Variants in PLEKHB1 observed in about 807,000 individuals in gnomAD.
PLEKHB1 encodes pleckstrin homology domain-containing family B member 1.
PLEKHB1 carries 29 observed loss-of-function variants against 36.2 expected under a neutral mutation model. The ratio of observed to expected loss-of-function variants is 0.80; its 90% CI spans 0.60 to 1.09. The LOEUF (loss-of-function observed/expected upper bound fraction) is 1.09. Among genes scored for constraint, PLEKHB1 ranks in the 50% least tolerant of loss-of-function variants. The pLI, the probability that PLEKHB1 is intolerant of heterozygous loss-of-function variation, is 0.00. For missense variants in PLEKHB1, 330 were observed against 348.2 expected (o/e 0.95, Z 0.42); for synonymous variants, 138 against 140.0 (o/e 0.99, Z 0.10).
intron 4 of PLEKHB1, 88 bp downstream of exon 4, chr11:73,651,978 C>T (rs1392513675): frequency 6.5e-6 from 8 of 1,235,728 alleles, no homozygotes; most frequent in Non-Finnish European, 9.2e-6. Flanking sequence ...GTTCTCTGAC[C>T]GTAGGAAGAG....
At chr11:73,651,527 C>T (rs1944892654) in intron 3 of PLEKHB1, 5 of 630,424 alleles carry the variant, frequency 7.9e-6, no homozygotes, top group Non-Finnish European at 1.5e-5. Context: ...CACAGCAAAT[C>T]TCCACATTCC....
At chr11:73,652,400 T>G in intron 4 of PLEKHB1, 1 of 168,452 alleles carries the variant, frequency 5.9e-6, no homozygotes. Flanking sequence ...CTGGCTCACA[T>G]TCCGTCCCTT....
intron 3 of PLEKHB1, chr11:73,651,278 G>T (rs577825323): frequency 8.0e-6 from 3 of 375,076 alleles, no homozygotes; most frequent in African/African-American, 6.4e-5. Flanking sequence ...GATTGCTTGA[G>T]CCTGGGAGGC....
chr11:73,650,199 A>AGC (rs1944859051), intron 2 of PLEKHB1, among the ~76,000 whole-genome samples: 1 of 152,200 alleles, frequency 6.6e-6, no homozygotes, highest in Non-Finnish European at 1.5e-5. Context: ...TGAGTGACAG[A>AGC]GCAAGACCCT....
At chr11:73,649,481 T>C (rs1944844138) in intron 2 of PLEKHB1, among the ~76,000 whole-genome samples, 1 of 152,078 alleles carries the variant, frequency 6.6e-6, no homozygotes, top group Admixed American at 6.6e-5. Flanking sequence ...GTCTGCGAAC[T>C]CCTCAAGGAC....
intron 2 of PLEKHB1, 55 bp downstream of exon 2, chr11:73,649,142 G>A: frequency 1.9e-6 from 3 of 1,546,256 alleles, no homozygotes; most frequent in African/African-American, 2.7e-5. Context: ...TGGCTTACTG[G>A]GCTTGCCACG....
intron 1 of PLEKHB1, chr11:73,647,716 C>T: frequency 1.0e-6 from 1 of 985,606 alleles, no homozygotes; most frequent in Non-Finnish European, 1.2e-6. Context: ...TAGGCAGCAA[C>T]ATCCGCAACA....
At chr11:73,658,588 AC>A (rs1438977428) in intron 6 of PLEKHB1, among the ~76,000 whole-genome samples, 3 of 151,944 alleles carry the variant, frequency 2.0e-5, no homozygotes, top group Non-Finnish European at 4.4e-5. Context: ...AAGGGCAACA[AC>A]CTGCTTTCTT....
chr11:73,648,907 C>T (rs1944824753), intron 1 of PLEKHB1, 105 bp from the exon 2 acceptor site: 1 of 1,485,630 alleles, frequency 6.7e-7, no homozygotes, highest in Non-Finnish European at 9.0e-7. Context: ...TTTACTAACC[C>T]TCCCTCAAAC....
chr11:73,649,321 T>A (rs1014000190), intron 2 of PLEKHB1, among the ~76,000 whole-genome samples: 11 of 152,058 alleles, frequency 7.2e-5, no homozygotes, highest in Non-Finnish European at 1.6e-4. Context: ...TTCTCTGGCT[T>A]TTCCTCTGGC....
At chr11:73,647,939 G>A (rs1275611546) in intron 1 of PLEKHB1, 1 of 985,432 alleles carries the variant, frequency 1.0e-6, no homozygotes, top group African/African-American at 1.7e-5. Flanking sequence ...GCTGGCAAGT[G>A]AGTCGCCCTC....
At chr11:73,655,141 C>T (rs554557048) in intron 5 of PLEKHB1, among the ~76,000 whole-genome samples, 4 of 152,274 alleles carry the variant, frequency 2.6e-5, no homozygotes, top group African/African-American at 9.6e-5. Context: ...GAAGCGGCCT[C>T]GTCCTTCTCT....
At chr11:73,656,822 C>A (rs1392435590) in intron 6 of PLEKHB1, among the ~76,000 whole-genome samples, 2 of 152,234 alleles carry the variant, frequency 1.3e-5, no homozygotes, top group African/African-American at 4.8e-5. Flanking sequence ...ATGTTTTAAT[C>A]TGGCATGGGG....
rs955645588 is a variant in PLEKHB1 at position 73,653,162 on chromosome 11, C to T, written c.390+148C>T. 16 of 846,178 alleles carry T rather than the reference C, an allele frequency of 1.9e-5. No homozygotes were observed. The Admixed American group carries it at 1.9e-4, about 10-fold the overall frequency. The allele number at this position is 846,178 out of a possible 1,614,324, so 52.4% of individuals were successfully genotyped here. A position where few individuals can be genotyped will look rare whatever the true frequency, so the allele number is the denominator to read the frequency against. ...CTCTGATGCCTGAGTCCCAAGTGTT[C>T]GGGGAAAGGATAAGGGAGAGCCAAC... is the stretch of plus-strand genomic sequence containing the variant. On this transcript the variant is annotated intron_variant, in intron 5 of 7. Transcript: ENST00000354190.
intron 4 of PLEKHB1, chr11:73,652,677 G>A (rs1348504693): frequency 3.0e-6 from 1 of 335,906 alleles, no homozygotes; most frequent in Non-Finnish European, 5.4e-6. Flanking sequence ...CCACCCAAGA[G>A]TGTCAGAATC....
chr11:73,652,951 G>T, intron 4 of PLEKHB1, 24 bp from the exon 5 acceptor site: 11 of 1,598,900 alleles, frequency 6.9e-6, no homozygotes, highest in Non-Finnish European at 9.4e-6. Context: ...CCCTCCTCAT[G>T]GTCTGGTGGG....
chr11:73,658,897 A>G (rs1174720247), intron 6 of PLEKHB1, among the ~76,000 whole-genome samples: 1 of 152,214 alleles, frequency 6.6e-6, no homozygotes, highest in African/African-American at 2.4e-5. Context: ...GATTACAGGC[A>G]TAAGCCGCTG....
rs375308321 is a variant in PLEKHB1, at chr11:73,650,576, C to T, written c.118C>T (p.Arg40Trp). 3.4e-4 allele frequency: 555 copies of T among 1,612,720 alleles called. 1 individual carries two copies. The highest frequency in any genetic ancestry group is 4.2e-4 in the Non-Finnish European group (494 of 1,179,462). ...AGGCTCCATCCTCCGCCGCTGGAAGCGGAACTGGTTTGCCCTGTGGCTGGA... is the reference window on the plus strand; with the variant it reads ...AGGCTCCATCCTCCGCCGCTGGAAGTGGAACTGGTTTGCCCTGTGGCTGGA... Reference protein sequence around the residue: ...RQSSILRRWKRNWFALWLDGT... With the variant: ...RQSSILRRWKWNWFALWLDGT... Residue 40 changes from arginine (R) to tryptophan (W), a missense_variant, in exon 3 of 8, where the codon CGG (arginine) becomes TGG (tryptophan). Transcript: ENST00000354190.
Position 73,661,484 on chromosome 11 carries a change from T to A in PLEKHB1, c.614T>A (p.Val205Glu). 6.2e-7 allele frequency: 1 copy of A among 1,613,780 alleles called. No individual in the cohort carries two copies. Among genetic ancestry groups the A allele is most frequent in the Admixed American group, 1.7e-5 (1 of 59,988 alleles). The stretch of plus-strand genomic sequence containing the variant: ...TCTGCAGGCCCTGGCGTGACGCACG[T>A]GATAGTGCGGGAGGATCCCTGCTAC... ...PPYAGPGVTH[V>E]IVREDPCYSA... The change falls in exon 8 of 8, where the codon GTG becomes GAG. Residue 205 changes from valine (V) to glutamate (E), a missense_variant. Coordinates refer to ENST00000354190, the MANE Select transcript of PLEKHB1 (RefSeq NM_021200.3). This position sits in a 1 kb window ranked among gnomAD's most constrained non-coding sequence, Gnocchi z 4.6.
Sources: gnomAD v4.1 joint callset for allele counts (sites outside exome capture counted in the v4.1 genomes callset) on GRCh38, gnomAD v4.1.1 for gene constraint, Gnocchi (gnomAD v3.1) non-coding constraint, MANE v1.5 for transcripts, NCBI Gene and HGNC (gene_info 2026-07-23, HGNC 2026-07-21) for gene names.